The following HOGA1 variants were observed in gnomAD, a reference collection of about 807,000 sequenced individuals.
HOGA1 encodes the protein 4-hydroxy-2-oxoglutarate aldolase, mitochondrial.
In HOGA1, 30 loss-of-function variants were observed where a neutral mutation model predicts 34.3. The ratio of observed to expected loss-of-function variants is 0.87; its 90% CI spans 0.65 to 1.19. HOGA1 has a LOEUF of 1.19. HOGA1 is among the 50% of genes most tolerant of loss of function. The pLI, the probability that HOGA1 is intolerant of heterozygous loss-of-function variation, is 0.00. For synonymous variants in HOGA1, 161 were observed against 174.0 expected, an observed-to-expected ratio of 0.93 and a Z score of 0.59; for missense variants, 417 against 436.5, an observed-to-expected ratio of 0.96 and a Z score of 0.40.
chr10:97,584,820 C>A lies in HOGA1; in HGVS notation c.117C>A (p.Tyr39Ter), dbSNP rs746419489. The A allele has an allele frequency of 4.3e-6, 7 of 1,613,468 alleles. No homozygotes were observed. The highest frequency in any genetic ancestry group is 5.9e-6 in the Non-Finnish European group (7 of 1,179,578). Reference sequence around the variant, plus strand: ...AGAAGGTGGACATTGCGGGTATCTACCCCCCTGTGACCACCCCCTTCACTG... The same window carrying A: ...AGAAGGTGGACATTGCGGGTATCTAACCCCCTGTGACCACCCCCTTCACTG... ...EGKKVDIAGIYPPVTTPFTAT... is the reference protein window; with the variant it reads ...EGKKVDIAGI The change falls in exon 1 of 7, where the codon TAC becomes TAA. Residue 39 changes from tyrosine to a stop codon, truncating the protein, a stop_gained. Transcript: ENST00000370646. LOFTEE classifies it high-confidence loss of function.
chr10:97,592,129 T>C (rs1321070155), intron 1 of HOGA1, among the ~76,000 whole-genome samples: 1 of 152,050 alleles, frequency 6.6e-6, no homozygotes, highest in East Asian at 1.9e-4. Context: ...AAGTCCTTAG[T>C]TAATGACATT....
chr10:97,596,526 C>T (rs2041072934), intron 1 of HOGA1, among the ~76,000 whole-genome samples: 1 of 152,138 alleles, frequency 6.6e-6, no homozygotes, highest in African/African-American at 2.4e-5. Flanking sequence ...TTGGAGTCCT[C>T]ACCCAGGGCT....
chr10:97,590,181 C>T, intron 1 of HOGA1: 5 of 1,614,048 alleles, frequency 3.1e-6, no homozygotes, highest in Non-Finnish European at 4.2e-6. Context: ...GAATCCTTCA[C>T]CAGCAGGCAG....
In HOGA1 at chr10:97,600,175, A is replaced by T; in HGVS notation, c.700+12A>T. On this transcript the variant is annotated intron_variant, in intron 5 of 6. Transcript: ENST00000370646. ...CAGCTATGCCTTGGGTAGGCCGCCC[A>T]CTGCTCTCAAATTGTCATGGGTGAC... 1 of 1,608,836 alleles carries T rather than the reference A, an allele frequency of 6.2e-7. No individual in the cohort carries two copies. Among genetic ancestry groups the T allele is most frequent in the Non-Finnish European group, 8.5e-7 (1 of 1,175,226 alleles).
At position 97,600,098 on chromosome 10, in the gene HOGA1, C is replaced by T; in HGVS notation, c.635C>T (p.Thr212Ile). The change falls in exon 5 of 7, where the codon ACC (threonine) becomes ATC (isoleucine). Residue 212 changes from threonine (T) to isoleucine (I), a missense_variant. Transcript: ENST00000370646. The stretch of plus-strand genomic sequence containing the variant: ...AGGATTGGGCTGATTGTTCACAAGA[C>T]CAGGAAGCAGGATTTTCAGGTGTTG... ...VTRIGLIVHKTRKQDFQVLAG... is the reference protein window; with the variant it reads ...VTRIGLIVHKIRKQDFQVLAG... The T allele has an allele frequency of 6.2e-7, 1 of 1,614,170 alleles. No homozygotes were observed. The highest frequency in any genetic ancestry group is 8.5e-7 in the Non-Finnish European group (1 of 1,180,032).
intron 6 of HOGA1, among the ~76,000 whole-genome samples, chr10:97,604,311 C>T (rs75597615): frequency 6.6e-6 from 1 of 152,116 alleles, no homozygotes; most frequent in African/African-American, 2.4e-5. Flanking sequence ...TATTGCCGTA[C>T]CACAGCATGT....
At position 97,584,471 on chromosome 10, in the gene HOGA1, T is replaced by G; in HGVS notation, c.-233T>G. 1.9e-6 allele frequency: 1 copy of G among 521,784 alleles called. No homozygotes were observed. The highest frequency in any genetic ancestry group is 3.0e-5 in the East Asian group (1 of 33,454). The allele number at this position is 521,784 out of a possible 1,614,324, so 32.3% of individuals were successfully genotyped here. A position where few individuals can be genotyped will look rare whatever the true frequency, so the allele number is the denominator to read the frequency against. The stretch of plus-strand genomic sequence containing the variant: ...GTCCTATATCTGGCCAGAGGGACAC[T>G]GGGTTGTGGCATCTCTCTAGCTGCT... On this transcript the variant is annotated 5_prime_UTR_variant, in exon 1 of 7. Coordinates refer to ENST00000370646, the MANE Select transcript of HOGA1 (RefSeq NM_138413.4).
rs1355349831 is a variant in HOGA1, at chr10:97,603,812, G to T, written c.834+1822G>T. ...CCTGACCTCATGATCCACCCGCCTCGACCTCCCAAAGTGCTGGGATTACAG... is the reference window on the plus strand; with the variant it reads ...CCTGACCTCATGATCCACCCGCCTCTACCTCCCAAAGTGCTGGGATTACAG... On this transcript the variant is annotated intron_variant, in intron 6 of 6. Transcript: ENST00000370646. The surrounding 1 kb of genome is among the most constrained non-coding windows in gnomAD (Gnocchi z 4.5). 6.6e-6 allele frequency among the ~76,000 whole-genome samples: 1 copy of T among 151,308 alleles called. No individual in the cohort carries two copies. The highest frequency in any genetic ancestry group is 2.0e-4 in the East Asian group (1 of 5,088).
chr10:97,602,350 C>A (rs2275049), intron 6 of HOGA1: 72,981 of 1,210,928 alleles, frequency 0.06, 2,926 homozygotes, highest in African/African-American at 0.2. Context: ...AAACCAGGGG[C>A]CTCTAAATCC....
chr10:97,592,969 G>T (rs985467558), intron 1 of HOGA1, among the ~76,000 whole-genome samples: 4 of 143,204 alleles, frequency 2.8e-5, no homozygotes, highest in Non-Finnish European at 4.5e-5. Flanking sequence ...GGCGGAGGTT[G>T]CAGTGAACAG....
intron 6 of HOGA1, among the ~76,000 whole-genome samples, chr10:97,610,657 T>G (rs2041188264): frequency 6.6e-6 from 1 of 151,714 alleles, no homozygotes; most frequent in Non-Finnish European, 1.5e-5. Flanking sequence ...AAAACGAGCT[T>G]GGTGTGGTGG....
intron 6 of HOGA1, 129 bp from the exon 7 acceptor site, chr10:97,611,381 A>C: frequency 2.0e-6 from 2 of 995,944 alleles, no homozygotes; most frequent in Non-Finnish European, 3.1e-6. Context: ...TGGGTGCCAT[A>C]GAGTTGGCAG....
chr10:97,594,168 C>CTTTTTTTT (rs71007354), intron 1 of HOGA1, among the ~76,000 whole-genome samples: 1 of 43,432 alleles, frequency 2.3e-5, no homozygotes, highest in Non-Finnish European at 3.9e-5. Flanking sequence ...TGCGCCTGGT[C>CTTTTTTTT]TTTTTTTTTT....
chr10:97,608,359 C>A (rs1297574133), intron 6 of HOGA1, among the ~76,000 whole-genome samples: 2 of 151,858 alleles, frequency 1.3e-5, no homozygotes, highest in Non-Finnish European at 2.9e-5. Flanking sequence ...AAAAATACAC[C>A]AAAAAATACA....
In HOGA1 at chr10:97,598,777, T is replaced by C. The variant is rs754653868; in HGVS notation, c.214T>C (p.Phe72Leu). The change falls in exon 2 of 7, where the codon TTC becomes CTC. Residue 72 changes from phenylalanine to leucine, a missense_variant and splice_region_variant. Physicochemically the swap from Phe to Leu is conservative, Grantham distance 22 (BLOSUM62 0). Transcript: ENST00000370646. ...HKLGTFPFRGFVVQGSNGEFP... is the reference protein window; with the variant it reads ...HKLGTFPFRGLVVQGSNGEFP... ...TTAGTCAGCTGTGTCTCTTGCAGGC[T>C]TCGTGGTCCAGGGCTCCAATGGCGA... 1 of 1,614,194 alleles carries C rather than the reference T, an allele frequency of 6.2e-7. No individual in the cohort carries two copies. Among genetic ancestry groups the C allele is most frequent in the Non-Finnish European group, 8.5e-7 (1 of 1,180,032 alleles).
Position 97,584,723 on chromosome 10 carries a change from G to T in HOGA1, c.20G>T (p.Trp7Leu). The change falls in exon 1 of 7, where the codon TGG (tryptophan) becomes TTG (leucine). Residue 7 changes from tryptophan to leucine, a missense_variant. Trp to Leu is a moderately conservative substitution (Grantham distance 61, BLOSUM62 -2). Transcript: ENST00000370646. Reference protein sequence around the residue: MLGPQVWSSVRQGLSRS... With the variant: MLGPQVLSSVRQGLSRS... ...GCAGAGATGCTGGGTCCCCAAGTCT[G>T]GTCTTCTGTGAGGCAGGGGCTAAGC... 1 of 1,611,382 alleles carries T rather than the reference G, an allele frequency of 6.2e-7. No homozygotes were observed. The highest frequency in any genetic ancestry group is 2.2e-5 in the East Asian group (1 of 44,814).
chr10:97,600,158 C>A lies in HOGA1; in HGVS notation c.695C>A (p.Ala232Asp). The A allele has an allele frequency of 1.2e-6, 2 of 1,613,466 alleles. No individual in the cohort carries two copies. Among genetic ancestry groups the A allele is most frequent in the Non-Finnish European group, 1.7e-6 (2 of 1,179,476 alleles). The change falls in exon 5 of 7, where the codon GCC (alanine) becomes GAC (aspartate). Residue 232 changes from alanine (A) to aspartate (D), a missense_variant. Coordinates refer to ENST00000370646, the MANE Select transcript of HOGA1 (RefSeq NM_138413.4). ...GCTGGCTTTCTGATGGCCAGCTATGCCTTGGGTAGGCCGCCCACTGCTCTC... is the reference window on the plus strand; with the variant it reads ...GCTGGCTTTCTGATGGCCAGCTATGACTTGGGTAGGCCGCCCACTGCTCTC... ...GSAGFLMASY[A>D]LGAVGGVCAL...
chr10:97,593,133 G>A (rs1290063237), intron 1 of HOGA1, among the ~76,000 whole-genome samples: 1 of 151,866 alleles, frequency 6.6e-6, no homozygotes, highest in Non-Finnish European at 1.5e-5. Context: ...TTGCCTGAGA[G>A]TTGGCTGGGA....
intron 6 of HOGA1, among the ~76,000 whole-genome samples, chr10:97,606,127 A>AT (rs2041155589): frequency 1.9e-5 from 2 of 105,080 alleles, no homozygotes; most frequent in African/African-American, 3.4e-5. Flanking sequence ...TACTAAAAAT[A>AT]CAAAAAAAAA....
Sources: allele counts gnomAD v4.1 joint callset (sites outside exome capture counted in the v4.1 genomes callset), GRCh38; gene constraint gnomAD v4.1.1; non-coding constraint Gnocchi (gnomAD v3.1); transcripts MANE v1.5; gene names NCBI Gene and HGNC (gene_info 2026-07-23, HGNC 2026-07-21).